SHANK2: variants seen among roughly 807,000 people sequenced by gnomAD.
The protein encoded by SHANK2 is SH3 and multiple ankyrin repeat domains protein 2.
SHANK2 carries 43 observed loss-of-function variants against 133.7 expected under a neutral mutation model. The observed-to-expected ratio is 0.32, with a 90% CI of 0.25 to 0.41. SHANK2 has a LOEUF of 0.41. SHANK2 is among the 10% of genes least tolerant of loss of function. SHANK2 has a pLI of 1.00. For synonymous variants in SHANK2, 1,017 were observed against 952.8 expected (o/e 1.07, Z -1.24); for missense variants, 1,994 against 2,235.8 (o/e 0.89, Z 2.18).
At chr11:70,710,427 A>T (rs1490244163) in intron 14 of SHANK2, among the ~76,000 whole-genome samples, 4 of 152,170 alleles carry the variant, frequency 2.6e-5, no homozygotes, top group Admixed American at 6.5e-5. Flanking sequence ...AGGGCTGCAG[A>T]CACCCTGCTG....
chr11:70,573,873 G>A (rs1024038523), intron 17 of SHANK2, among the ~76,000 whole-genome samples: 2 of 152,236 alleles, frequency 1.3e-5, no homozygotes, highest in Non-Finnish European at 2.9e-5. Flanking sequence ...TGGTGACAGC[G>A]GAACCCGCTG....
intron 17 of SHANK2, among the ~76,000 whole-genome samples, chr11:70,574,062 C>T (rs1018565753): frequency 1.3e-5 from 2 of 152,144 alleles, no homozygotes; most frequent in African/African-American, 4.8e-5. Context: ...CTACCAGCGC[C>T]GAGGGATGGC....
Position 70,742,235 on chromosome 11 carries a change from C to T in SHANK2, c.1778-43472G>A, listed in dbSNP as rs571230479. On this transcript the variant is annotated intron_variant, in intron 14 of 25. Coordinates refer to ENST00000601538, the MANE Select transcript of SHANK2 (RefSeq NM_012309.5). ...CCTCTATGAAGCAAAGCCCCTTCCT[C>T]CTCCTTCTGCTGGCAATCTCCTACT... is the stretch of plus-strand genomic sequence containing the variant. 2.0e-5 allele frequency among the ~76,000 whole-genome samples: 3 copies of T among 152,276 alleles called. No homozygotes were observed. In the South Asian group the frequency reaches 6.2e-4, roughly 32 times the overall value.
At chr11:70,741,092 T>C (rs957530355) in intron 14 of SHANK2, among the ~76,000 whole-genome samples, 3 of 152,070 alleles carry the variant, frequency 2.0e-5, no homozygotes, top group Non-Finnish European at 2.9e-5. Context: ...AACTGAGCTA[T>C]TGCTCATTGA....
In SHANK2 at chr11:71,142,744, A is replaced by G. The variant is rs548875203; in HGVS notation, c.207+4376T>C. On this transcript the variant is annotated intron_variant, in intron 3 of 25. Transcript: ENST00000601538. ...CAGAGAGAAAGTTTTTCTAGGAAAAACCAAGAATGCCCAACACCAAACACT... is the reference window on the plus strand; with the variant it reads ...CAGAGAGAAAGTTTTTCTAGGAAAAGCCAAGAATGCCCAACACCAAACACT... 3.0e-3 allele frequency among the ~76,000 whole-genome samples: 457 copies of G among 152,112 alleles called. 1 individual carries two copies. The highest frequency in any genetic ancestry group is 0.011 in the African/African-American group (441 of 41,456).
intron 8 of SHANK2, among the ~76,000 whole-genome samples, chr11:71,086,131 TATATA>T (rs1176228511): frequency 0.23 from 11,992 of 52,878 alleles, 3,942 homozygotes; most frequent in Non-Finnish European, 0.26. Context: ...TATATTAAAT[TATATA>T]ATATATTATG....
intron 15 of SHANK2, among the ~76,000 whole-genome samples, chr11:70,662,924 AC>A (rs1317948966): frequency 6.2e-4 from 94 of 150,904 alleles, no homozygotes; most frequent in Admixed American, 1.8e-3. Context: ...GGCTACCGGC[AC>A]CCCCCCGCCC....
rs1951405032 is a variant in SHANK2 at position 71,086,117 on chromosome 11, ATAATATATTAAATTATATAATATAT to A, written c.912+6280_912+6304del. Among the ~76,000 whole-genome samples the A allele has an allele frequency of 7.8e-5, 2 of 25,564 alleles. 1 individual carries two copies. The highest frequency in any genetic ancestry group is 1.6e-4 in the Non-Finnish European group (2 of 12,718). The allele number at this position is 25,564 out of a possible 152,430, so 16.8% of individuals were successfully genotyped here. ...TAAATTATATAATATATTATGTTAT[ATAATATATTAAATTATATAATATAT>A]TATGTTATATAATATATTAAATTAT... On this transcript the variant is annotated intron_variant, in intron 8 of 25. Coordinates refer to ENST00000601538, the MANE Select transcript of SHANK2 (RefSeq NM_012309.5).
intron 11 of SHANK2, among the ~76,000 whole-genome samples, chr11:70,883,059 A>G (rs1555072701): frequency 6.6e-6 from 1 of 152,136 alleles, no homozygotes; most frequent in Non-Finnish European, 1.5e-5. Flanking sequence ...CTCCGGAGTC[A>G]GGGCTGTCGG....
In SHANK2 at chr11:70,472,635, T is replaced by C. The variant is rs2058610705; in HGVS notation, c.*234A>G. On this transcript the variant is annotated 3_prime_UTR_variant, in exon 26 of 26. Coordinates refer to ENST00000601538, the MANE Select transcript of SHANK2 (RefSeq NM_012309.5). This position sits in a 1 kb window ranked among gnomAD's most constrained non-coding sequence, Gnocchi z 4.4. ...GAATCTTTTTCCATGTTAGAAAAAC[T>C]CCCTCCCCTTGTCCCATGTGTGATA... 2 of 571,952 alleles carry C rather than the reference T, an allele frequency of 3.5e-6. No individual in the cohort carries two copies. The highest frequency in any genetic ancestry group is 3.0e-5 in the Admixed American group (1 of 32,854). The allele number at this position is 571,952 out of a possible 1,614,324, so 35.4% of individuals were successfully genotyped here. A position where few individuals can be genotyped will look rare whatever the true frequency, so the allele number is the denominator to read the frequency against.
chr11:70,797,997 C>T (rs1033308021), intron 14 of SHANK2, among the ~76,000 whole-genome samples: 1 of 152,208 alleles, frequency 6.6e-6, no homozygotes, highest in Non-Finnish European at 1.5e-5. Flanking sequence ...GCTGGAATGG[C>T]TTCCCGTCGG....
chr11:70,874,674 T>TAA (rs34587004), intron 11 of SHANK2, among the ~76,000 whole-genome samples: 3,571 of 114,086 alleles, frequency 0.031, 115 homozygotes, highest in Middle Eastern at 0.054. Flanking sequence ...CTGCATTTAC[T>TAA]AAAAAAAAAA....
chr11:70,564,935 T>G (rs2059949951), intron 17 of SHANK2, among the ~76,000 whole-genome samples: 1 of 152,260 alleles, frequency 6.6e-6, no homozygotes, highest in South Asian at 2.1e-4. Context: ...CAAAATATCT[T>G]CTGTGTCTAC....
Position 71,166,521 on chromosome 11 carries a change from C to G in SHANK2, c.-12-19183G>C, listed in dbSNP as rs573500285. On this transcript the variant is annotated intron_variant, in intron 2 of 25. Coordinates refer to ENST00000601538, the MANE Select transcript of SHANK2 (RefSeq NM_012309.5). ...TTGAGATGGAGTTTCGCTCTTGTTG[C>G]CCAGGCTGCAGTGCAGTGGCATGAT... Among the ~76,000 whole-genome samples, 63 of 143,668 alleles carry G rather than the reference C, an allele frequency of 4.4e-4. 2 individuals are homozygous for G. The highest frequency in any genetic ancestry group is 3.2e-3 in the Admixed American group (45 of 14,272). The allele number at this position is 143,668 out of a possible 152,430, so 94.3% of individuals were successfully genotyped here.
intron 14 of SHANK2, among the ~76,000 whole-genome samples, chr11:70,771,105 T>C (rs1329072623): frequency 6.6e-6 from 1 of 151,960 alleles, no homozygotes; most frequent in Non-Finnish European, 1.5e-5. Context: ...TTTTGTATTT[T>C]TGGTAGAGAT....
intron 17 of SHANK2, among the ~76,000 whole-genome samples, chr11:70,649,066 A>G (rs1193635172): frequency 6.6e-6 from 1 of 152,072 alleles, no homozygotes; most frequent in Non-Finnish European, 1.5e-5. Flanking sequence ...GAGACCAGAG[A>G]GAGTGTCCAA....
chr11:70,473,953 G>C lies in SHANK2; in HGVS notation c.4980-514C>G, dbSNP rs2058630150. The stretch of plus-strand genomic sequence containing the variant: ...GGGAAGGAGCACACCTGGAGGACAG[G>C]CCCCTCAGCCGCCTGGCAGCCTTAG... On this transcript the variant is annotated intron_variant, in intron 25 of 25. Transcript: ENST00000601538. This position sits in a 1 kb window ranked among gnomAD's most constrained non-coding sequence, Gnocchi z 5.9. 1 of 219,836 alleles carries C rather than the reference G, an allele frequency of 4.5e-6. No individual in the cohort carries two copies. The highest frequency in any genetic ancestry group is 2.2e-5 in the African/African-American group (1 of 45,246). The allele number at this position is 219,836 out of a possible 1,614,324, so 13.6% of individuals were successfully genotyped here.
At chr11:71,121,028 G>C (rs145481521) in intron 3 of SHANK2, among the ~76,000 whole-genome samples, 6 of 152,214 alleles carry the variant, frequency 3.9e-5, no homozygotes, top group Admixed American at 3.9e-4. Flanking sequence ...TGTGCAGCAC[G>C]GGGGCCAACC....
At chr11:70,560,521 A>T (rs562665871) in intron 17 of SHANK2, among the ~76,000 whole-genome samples, 138 of 42,660 alleles carry the variant, frequency 3.2e-3, no homozygotes, top group African/African-American at 0.014. Flanking sequence ...GTAGAAAAGG[A>T]CAAGCTGATT....
Sources: allele counts gnomAD v4.1 joint callset (sites outside exome capture counted in the v4.1 genomes callset), GRCh38; gene constraint gnomAD v4.1.1; non-coding constraint Gnocchi (gnomAD v3.1); transcripts MANE v1.5; gene names NCBI Gene and HGNC (gene_info 2026-07-23, HGNC 2026-07-21).